Variants in CXCL12 observed in about 807,000 individuals in gnomAD.
CXCL12 encodes stromal cell-derived factor 1.
In CXCL12, 4 loss-of-function variants were observed where a neutral mutation model predicts 10.7. The ratio of observed to expected loss-of-function variants is 0.37; its 90% CI spans 0.18 to 0.86. CXCL12 has a LOEUF of 0.86. Among genes scored for constraint, CXCL12 ranks in the 40% least tolerant of loss-of-function variants. CXCL12 has a pLI of 0.43. For synonymous variants in CXCL12, 54 were observed against 45.4 expected, an observed-to-expected ratio of 1.19 and a Z score of -0.77; for missense variants, 122 against 110.4, an observed-to-expected ratio of 1.10 and a Z score of -0.47.
At chr10:44,373,825 G>A (rs1466371695), downstream of CXCL12, among the ~76,000 whole-genome samples, 1 of 152,212 alleles carries the variant, frequency 6.6e-6, no homozygotes, top group African/African-American at 2.4e-5. Context: ...GGGACTGCTG[G>A]AGGTGGCACA....
chr10:44,380,717 T>A, intron 2 of CXCL12, 46 bp downstream of exon 2: 1 of 1,486,394 alleles, frequency 6.7e-7, no homozygotes, highest in South Asian at 1.1e-5. Context: ...CTATGTTCGT[T>A]AGATGCAACT....
rs756182751 is a variant in CXCL12 at position 44,377,879 on chromosome 10, T to C, written c.*754A>G. ...GGCACGAGCCCCAGCAATCACCCTC[T>C]TCCCGGCTGGTGCGGCGCTGATCAG... On this transcript the variant is annotated 3_prime_UTR_variant, in exon 3 of 3. Coordinates refer to ENST00000343575, the MANE Select transcript of CXCL12 (RefSeq NM_199168.4). 6.3e-7 allele frequency: 1 copy of C among 1,579,996 alleles called. No individual in the cohort carries two copies. The highest frequency in any genetic ancestry group is 1.1e-5 in the South Asian group (1 of 88,300).
At chr10:44,384,850 C>A in intron 1 of CXCL12, 95 bp downstream of exon 1, 2 of 1,304,642 alleles carry the variant, frequency 1.5e-6, no homozygotes, top group Non-Finnish European at 1.0e-6. Flanking sequence ...TCGGGCGGCG[C>A]AAACTGCGGG....
At chr10:44,371,072 C>T (rs538848637), downstream of CXCL12, 6 of 215,510 alleles carry the variant, frequency 2.8e-5, no homozygotes, top group Admixed American at 1.8e-4. Flanking sequence ...ACTAGCAGTT[C>T]GAAAGCAAAA....
At chr10:44,370,320 C>T (rs962861136) in exon 4 of CXCL12, 1 of 152,590 alleles carries the variant, frequency 6.6e-6, no homozygotes, top group African/African-American at 2.4e-5. Flanking sequence ...TCTCCTGGAC[C>T]ATTTTCACAT....
chr10:44,379,364 T>C (rs572052987), intron 2 of CXCL12, among the ~76,000 whole-genome samples: 1 of 152,318 alleles, frequency 6.6e-6, no homozygotes, highest in Non-Finnish European at 1.5e-5. Context: ...TGGTCTCATT[T>C]GTTTTTTAAA....
chr10:44,377,687 C>CA lies in CXCL12; in HGVS notation c.*945dup. 6.3e-7 allele frequency: 1 copy of CA among 1,590,740 alleles called. No individual in the cohort carries two copies. Among genetic ancestry groups the CA allele is most frequent in the Non-Finnish European group, 8.5e-7 (1 of 1,176,410 alleles). ...AACCCAGTCACTCAAAGCGAGCTCT[C>CA]AGATTTAAAATTGCATTTGATTCTG... On this transcript the variant is annotated 3_prime_UTR_variant, in exon 3 of 3. Coordinates refer to ENST00000343575, the MANE Select transcript of CXCL12 (RefSeq NM_199168.4).
At chr10:44,376,928 A>AG (rs1839471556), downstream of CXCL12, 1 of 187,632 alleles carries the variant, frequency 5.3e-6, no homozygotes, top group African/African-American at 2.4e-5. Context: ...AAAAAAAAAA[A>AG]AGATCCAAAA....
downstream of CXCL12, chr10:44,374,262 A>C: frequency 2.7e-6 from 1 of 364,376 alleles, no homozygotes; most frequent in Non-Finnish European, 5.4e-6. Context: ...ACCAGGACAG[A>C]CTGGCCACCC....
At chr10:44,381,017 A>G (rs1839615597) in intron 1 of CXCL12, 137 bp from the exon 2 acceptor site, 5 of 761,752 alleles carry the variant, frequency 6.6e-6, no homozygotes, top group South Asian at 6.1e-5. Flanking sequence ...TTACTGGTGT[A>G]TGTTGGGAAA....
chr10:44,375,811 C>T (rs947756052), downstream of CXCL12: 38 of 1,512,396 alleles, frequency 2.5e-5, no homozygotes, highest in Non-Finnish European at 3.3e-5. Flanking sequence ...GGCAGCAAAG[C>T]ACTGCTCCCC....
chr10:44,375,908 G>A, downstream of CXCL12: 5 of 1,609,990 alleles, frequency 3.1e-6, no homozygotes, highest in Non-Finnish European at 4.2e-6. Context: ...GAGAGCAAGT[G>A]AACTGTGGTC....
At chr10:44,376,407 T>G (rs534148193), downstream of CXCL12, among the ~76,000 whole-genome samples, 1 of 152,328 alleles carries the variant, frequency 6.6e-6, no homozygotes, top group South Asian at 2.1e-4. Flanking sequence ...TTTTTCTTCT[T>G]CTCAATGCAG....
At chr10:44,375,914 T>C, downstream of CXCL12, 3 of 1,610,300 alleles carry the variant, frequency 1.9e-6, no homozygotes, top group Non-Finnish European at 2.5e-6. Context: ...AAGTGAACTG[T>C]GGTCCATCTC....
chr10:44,377,162 AG>A lies in CXCL12; in HGVS notation c.*1470del. On this transcript the variant is annotated 3_prime_UTR_variant, in exon 3 of 3. Transcript: ENST00000343575. Reference sequence around the variant, plus strand: ...ATGAAACAATTAGCATTTTATTGCTAGTGCATATAATGTCACATTTGATACA... The same window carrying A: ...ATGAAACAATTAGCATTTTATTGCTATGCATATAATGTCACATTTGATACA... 1 of 985,986 alleles carries A rather than the reference AG, an allele frequency of 1.0e-6. No individual in the cohort carries two copies. Among genetic ancestry groups the A allele is most frequent in the East Asian group, 1.1e-4 (1 of 8,834 alleles). The allele number at this position is 985,986 out of a possible 1,614,324, so 61.1% of individuals were successfully genotyped here. A position where few individuals can be genotyped will look rare whatever the true frequency, so the allele number is the denominator to read the frequency against.
chr10:44,374,693 G>C (rs1564458869), downstream of CXCL12: 2 of 456,026 alleles, frequency 4.4e-6, no homozygotes, highest in Non-Finnish European at 8.8e-6. Flanking sequence ...GGGTGTGTCT[G>C]ACATGCAGGG....
At chr10:44,375,383 AT>A (rs68143781), downstream of CXCL12, among the ~76,000 whole-genome samples, 3 of 152,202 alleles carry the variant, frequency 2.0e-5, no homozygotes, top group Non-Finnish European at 4.4e-5. Flanking sequence ...GGCAATGGGT[AT>A]TTGGAAAAAG....
downstream of CXCL12, chr10:44,372,312 C>G (rs1275441340): frequency 6.4e-6 from 1 of 156,100 alleles, no homozygotes; most frequent in African/African-American, 2.4e-5. Flanking sequence ...TTGGGCTCTG[C>G]CCATGGACCC....
downstream of CXCL12, chr10:44,375,732 C>T: frequency 1.0e-6 from 1 of 987,950 alleles, no homozygotes; most frequent in Non-Finnish European, 1.4e-6. Context: ...CAACTACTTT[C>T]TTCATAACTT....
Sources: allele counts gnomAD v4.1 joint callset (sites outside exome capture counted in the v4.1 genomes callset), GRCh38; gene constraint gnomAD v4.1.1; transcripts MANE v1.5; gene names NCBI Gene and HGNC (gene_info 2026-07-23, HGNC 2026-07-21).